FOLR2: variants seen among roughly 807,000 people sequenced by gnomAD.
FOLR2 encodes the protein folate receptor beta.
In FOLR2, 14 loss-of-function variants were observed where a neutral mutation model predicts 20.4. The observed-to-expected ratio is 0.68, with a 90% CI of 0.45 to 1.07. FOLR2 has a LOEUF of 1.07. Among genes scored for constraint, FOLR2 ranks in the 50% least tolerant of loss-of-function variants. The pLI, the probability that FOLR2 is intolerant of heterozygous loss-of-function variation, is 0.00. For missense variants in FOLR2, 269 were observed against 322.6 expected (o/e 0.83, Z 1.27); for synonymous variants, 114 against 114.3 (o/e 1.00, Z 0.02).
chr11:72,221,769 T>G lies in FOLR2; in HGVS notation c.*7T>G. On this transcript the variant is annotated 3_prime_UTR_variant, in exon 5 of 5. Transcript: ENST00000298223. Reference sequence around the variant, plus strand: ...ACTCTGGCTCCTTGGCTGAGTTCAGTCCTCCCAGACTACCTGCCCTCAGCT... The same window carrying G: ...ACTCTGGCTCCTTGGCTGAGTTCAGGCCTCCCAGACTACCTGCCCTCAGCT... 1 of 1,610,910 alleles carries G rather than the reference T, an allele frequency of 6.2e-7. No individual in the cohort carries two copies. Among genetic ancestry groups the G allele is most frequent in the Non-Finnish European group, 8.5e-7 (1 of 1,177,672 alleles).
chr11:72,221,069 T>TGTCCC lies in FOLR2; in HGVS notation c.339+11_339+12insGTCCC. 8 of 717,290 alleles carry TGTCCC rather than the reference T, an allele frequency of 1.1e-5. No homozygotes were observed. Among genetic ancestry groups the TGTCCC allele is most frequent in the East Asian group, 5.3e-5 (1 of 18,766 alleles). The allele number at this position is 717,290 out of a possible 1,614,324, so 44.4% of individuals were successfully genotyped here. On this transcript the variant is annotated intron_variant, in intron 3 of 4. Transcript: ENST00000298223. The stretch of plus-strand genomic sequence containing the variant: ...CCCTGGATCCAGCAGGTAGGGTGTC[T>TGTCCC]CCCCCCCACCCACCCCAGCAGACTG...
chr11:72,217,217 G>A, intron 1 of FOLR2: 1 of 504,606 alleles, frequency 2.0e-6, no homozygotes, highest in South Asian at 1.8e-5. Context: ...TAGAGACGGG[G>A]TTTCATCATG....
rs752139051 is a variant in FOLR2, at chr11:72,221,570, G to A, written c.576G>A (p.Lys192=). ...AAGGCCTCTGGAGTCACTCATACAA[G>A]GTCAGCAACTACAGCCGAGGGAGCG... ...LCEGLWSHSY[K]VSNYSRGSGR... is the part of the protein sequence containing the mutation. The change falls in exon 5 of 5, where the codon AAG becomes AAA. Residue 192 remains lysine, a synonymous_variant. Coordinates refer to ENST00000298223, the MANE Select transcript of FOLR2 (RefSeq NM_000803.5). 3.1e-6 allele frequency: 5 copies of A among 1,614,164 alleles called. No homozygotes were observed. The South Asian group carries it at 5.5e-5, about 18-fold the overall frequency.
Position 72,218,544 on chromosome 11 carries a change from T to C in FOLR2, c.-24-17T>C, listed in dbSNP as rs754216008. 38 of 1,601,054 alleles carry C rather than the reference T, an allele frequency of 2.4e-5. No homozygotes were observed. The highest frequency in any genetic ancestry group is 3.2e-5 in the Non-Finnish European group (38 of 1,173,768). ...CTTGGAGCCCTTTCCCCTCAGGACTTGGTTTCCCTACCCTAGCTCCGCCTG... is the reference window on the plus strand; with the variant it reads ...CTTGGAGCCCTTTCCCCTCAGGACTCGGTTTCCCTACCCTAGCTCCGCCTG... On this transcript the variant is annotated splice_polypyrimidine_tract_variant and intron_variant, in intron 1 of 4. Transcript: ENST00000298223.
rs542062398 is a variant in FOLR2, at chr11:72,218,763, AG to A, written c.150+34del. The A allele has an allele frequency of 1.7e-4, 272 of 1,592,642 alleles. No homozygotes were observed. The African/African-American group carries it at 2.5e-3, about 15-fold the overall frequency. ...CGGCTGGAGTGTGCCTCTGCTAAGG[AG>A]GGGGCTTGTTCTAACAGGGAGGAGA... On this transcript the variant is annotated intron_variant, in intron 2 of 4. Transcript: ENST00000298223.
At chr11:72,219,850 T>C (rs1011789020) in intron 2 of FOLR2, among the ~76,000 whole-genome samples, 1 of 133,448 alleles carries the variant, frequency 7.5e-6, no homozygotes, top group African/African-American at 3.1e-5. Context: ...TTTTGCTTAC[T>C]TTTTTTTTTT....
intron 2 of FOLR2, among the ~76,000 whole-genome samples, chr11:72,219,028 G>A (rs1288383984): frequency 6.6e-6 from 1 of 152,222 alleles, no homozygotes; most frequent in Non-Finnish European, 1.5e-5. Flanking sequence ...GATGTAGGTA[G>A]ATGATATTCT....
intron 1 of FOLR2, chr11:72,217,416 G>C (rs1241222753): frequency 7.0e-6 from 9 of 1,286,882 alleles, no homozygotes; most frequent in Non-Finnish European, 4.1e-6. Context: ...ACTAAACATA[G>C]AGCCATGGTC....
Position 72,220,961 on chromosome 11 carries a change from A to G in FOLR2, c.242A>G (p.Asp81Gly). The change falls in exon 3 of 5, where the codon GAC becomes GGC. Residue 81 changes from aspartate to glycine, a missense_variant. Physicochemically the swap from Asp to Gly is moderately conservative, Grantham distance 94 (BLOSUM62 -1). Coordinates refer to ENST00000298223, the MANE Select transcript of FOLR2 (RefSeq NM_000803.5). The part of the protein sequence containing the change: ...DTSRLYNFNW[D>G]HCGKMEPACK... ...TCCCGCCTGTACAACTTTAACTGGGACCACTGCGGCAAGATGGAGCCCGCC... is the reference window on the plus strand; with the variant it reads ...TCCCGCCTGTACAACTTTAACTGGGGCCACTGCGGCAAGATGGAGCCCGCC... The G allele has an allele frequency of 6.2e-7, 1 of 1,613,934 alleles. No individual in the cohort carries two copies. The highest frequency in any genetic ancestry group is 2.2e-5 in the East Asian group (1 of 44,882).
Position 72,221,787 on chromosome 11 carries a change from CCTCAGCTTGGATAACCAGGCT to C in FOLR2, c.*26_*46del, listed in dbSNP as rs766453985. 1.2e-5 allele frequency: 19 copies of C among 1,602,846 alleles called. 1 individual carries two copies. Among genetic ancestry groups the C allele is most frequent in the African/African-American group, 8.0e-5 (6 of 74,914 alleles). On this transcript the variant is annotated 3_prime_UTR_variant, in exon 5 of 5. Coordinates refer to ENST00000298223, the MANE Select transcript of FOLR2 (RefSeq NM_000803.5). ...AGTTCAGTCCTCCCAGACTACCTGC[CCTCAGCTTGGATAACCAGGCT>C]GGGCTCAGCTCAGCTCCCACAAATG...
Position 72,221,494 on chromosome 11 carries a change from C to T in FOLR2, c.500C>T (p.Ala167Val). 6.2e-7 allele frequency: 1 copy of T among 1,613,890 alleles called. No homozygotes were observed. Among genetic ancestry groups the T allele is most frequent in the Non-Finnish European group, 8.5e-7 (1 of 1,179,854 alleles). Residue 167 changes from alanine (A) to valine (V), a missense_variant, in exon 5 of 5, where the codon GCT becomes GTT. Physicochemically the swap from Ala to Val is moderately conservative, Grantham distance 64 (BLOSUM62 0). Coordinates refer to ENST00000298223, the MANE Select transcript of FOLR2 (RefSeq NM_000803.5). ...TSGVNKCPAG[A>V]LCRTFESYFP... Reference sequence around the variant, plus strand: ...GGAGTTAACAAGTGCCCAGCTGGGGCTCTCTGCCGCACCTTTGAGTCCTAC... The same window carrying T: ...GGAGTTAACAAGTGCCCAGCTGGGGTTCTCTGCCGCACCTTTGAGTCCTAC...
Position 72,221,067 on chromosome 11 carries a change from T to TCGGGGGGGGC in FOLR2, c.339+10_339+11insGGGGGGGGCC. On this transcript the variant is annotated intron_variant, in intron 3 of 4. Transcript: ENST00000298223. ...GGCCCTGGATCCAGCAGGTAGGGTG[T>TCGGGGGGGGC]CTCCCCCCCACCCACCCCAGCAGAC... is the stretch of plus-strand genomic sequence containing the variant. 8.9e-6 allele frequency: 14 copies of TCGGGGGGGGC among 1,569,896 alleles called. No homozygotes were observed. The highest frequency in any genetic ancestry group is 1.2e-5 in the Non-Finnish European group (14 of 1,154,712).
intron 1 of FOLR2, 61 bp from the exon 2 acceptor site, chr11:72,218,500 G>A: frequency 2.0e-6 from 3 of 1,465,210 alleles, no homozygotes; most frequent in Non-Finnish European, 2.8e-6. Context: ...ACTGAGGCAG[G>A]AGGTGAATGG....
chr11:72,218,493 G>A (rs1159498673), intron 1 of FOLR2, 68 bp from the exon 2 acceptor site: 4 of 1,424,610 alleles, frequency 2.8e-6, no homozygotes, highest in Non-Finnish European at 3.9e-6. Flanking sequence ...TGGGGAGACT[G>A]AGGCAGGAGG....
Position 72,221,300 on chromosome 11 carries a change from A to C in FOLR2, c.464A>C (p.Asp155Ala). 2 of 1,613,876 alleles carry C rather than the reference A, an allele frequency of 1.2e-6. No individual in the cohort carries two copies. The highest frequency in any genetic ancestry group is 1.7e-6 in the Non-Finnish European group (2 of 1,179,844). Residue 155 changes from aspartate (D) to alanine (A), a missense_variant, in exon 4 of 5, where the codon GAC (aspartate) becomes GCC (alanine). Coordinates refer to ENST00000298223, the MANE Select transcript of FOLR2 (RefSeq NM_000803.5). ...TCKSNWHRGW[D>A]WTSGVNKCPA... ...AAGAGCAACTGGCACAGAGGATGGG[A>C]CTGGACCTCAGGTGAGGGTGATTGA...
chr11:72,219,482 A>T (rs979832621), intron 2 of FOLR2, among the ~76,000 whole-genome samples: 5 of 152,212 alleles, frequency 3.3e-5, no homozygotes, highest in African/African-American at 1.2e-4. Flanking sequence ...GTAACTTGTA[A>T]TAAAATAATA....
At position 72,218,418 on chromosome 11, in the gene FOLR2, C is replaced by G. The variant is rs1054358287; in HGVS notation, c.-24-143C>G. ...CCTGGTCAACCCTCTCTACCCTAGC[C>G]TCAGGGAGCTTCAGGGCCCCAGCAT... On this transcript the variant is annotated intron_variant, in intron 1 of 4. Coordinates refer to ENST00000298223, the MANE Select transcript of FOLR2 (RefSeq NM_000803.5). The G allele has an allele frequency of 1.0e-5, 7 of 691,172 alleles. No individual in the cohort carries two copies. In the African/African-American group the frequency reaches 1.1e-4, roughly 11 times the overall value. 42.8% of individuals were successfully genotyped at this position (691,172 alleles called of 1,614,324 possible). A position where few individuals can be genotyped will look rare whatever the true frequency, so the allele number is the denominator to read the frequency against.
Position 72,221,851 on chromosome 11 carries a change from C to G in FOLR2, c.*89C>G. The stretch of plus-strand genomic sequence containing the variant: ...CACAAATGACAGCCCCTTAAGCATG[C>G]TTCTATTAGTCACCTAACCCTCTGT... On this transcript the variant is annotated 3_prime_UTR_variant, in exon 5 of 5. Transcript: ENST00000298223. The G allele has an allele frequency of 7.8e-7, 1 of 1,278,840 alleles. No individual in the cohort carries two copies. 79.2% of individuals were successfully genotyped at this position (1,278,840 alleles called of 1,614,324 possible).
At chr11:72,217,415 A>G in intron 1 of FOLR2, 1 of 1,286,980 alleles carries the variant, frequency 7.8e-7, no homozygotes, top group South Asian at 1.2e-5. Flanking sequence ...CACTAAACAT[A>G]GAGCCATGGT....
Sources: allele counts gnomAD v4.1 joint callset (sites outside exome capture counted in the v4.1 genomes callset), GRCh38; gene constraint gnomAD v4.1.1; transcripts MANE v1.5; gene names NCBI Gene and HGNC (gene_info 2026-07-23, HGNC 2026-07-21).